The following PRKAR2A variants were observed in gnomAD, a reference collection of about 807,000 sequenced individuals.
PRKAR2A encodes the protein protein kinase cAMP-dependent type II regulatory subunit alpha, also known as cAMP-dependent protein kinase type II-alpha regulatory subunit.
A neutral mutation model predicts 51.9 loss-of-function variants in PRKAR2A; 29 were observed. The observed-to-expected ratio is 0.56, with a 90% CI of 0.42 to 0.76. The LOEUF (loss-of-function observed/expected upper bound fraction) is 0.76. Among genes scored for constraint, PRKAR2A ranks in the 30% least tolerant of loss-of-function variants. The pLI is 0.00. For missense variants in PRKAR2A, 445 were observed against 512.1 expected (o/e 0.87, Z 1.26); for synonymous variants, 178 against 186.2 (o/e 0.96, Z 0.36).
chr3:48,773,669 G>A (rs2082063403), intron 5 of PRKAR2A, among the ~76,000 whole-genome samples: 1 of 151,532 alleles, frequency 6.6e-6, no homozygotes, highest in Admixed American at 6.6e-5. Flanking sequence ...CATGTCACCT[G>A]AAACAAAGTT....
rs779477684 is a variant in PRKAR2A, at chr3:48,756,376, C to T, written c.939+3G>A. Reference sequence around the variant, plus strand: ...ACCATCACATATAAACTGATAAACTCACCCTGCTTCTAATCAAGATGCTCA... The same window carrying T: ...ACCATCACATATAAACTGATAAACTTACCCTGCTTCTAATCAAGATGCTCA... On this transcript the variant is annotated splice_donor_region_variant and intron_variant, in intron 9 of 10. Coordinates refer to ENST00000265563, the MANE Select transcript of PRKAR2A (RefSeq NM_004157.4). 6.8e-6 allele frequency: 11 copies of T among 1,611,872 alleles called. No homozygotes were observed. In the Admixed American group the frequency reaches 1.0e-4, roughly 15 times the overall value.
At chr3:48,758,644 T>C (rs1211227236) in intron 8 of PRKAR2A, among the ~76,000 whole-genome samples, 1 of 150,426 alleles carries the variant, frequency 6.6e-6, no homozygotes, top group Non-Finnish European at 1.5e-5. Flanking sequence ...GACTAGGGTA[T>C]GTGTACAGGA....
At chr3:48,829,389 C>T (rs1348003785) in intron 1 of PRKAR2A, among the ~76,000 whole-genome samples, 4 of 150,872 alleles carry the variant, frequency 2.7e-5, no homozygotes, top group African/African-American at 4.9e-5. Context: ...CATGGTGGCA[C>T]GAACCTGTAG....
chr3:48,804,946 C>G (rs2082650405), intron 2 of PRKAR2A, among the ~76,000 whole-genome samples: 1 of 152,004 alleles, frequency 6.6e-6, no homozygotes, highest in African/African-American at 2.4e-5. Context: ...GAATCTCACT[C>G]TGTCACCCAG....
rs557411542 is a variant in PRKAR2A, at chr3:48,842,728, G to A, written c.262+4607C>T. Among the ~76,000 whole-genome samples, 25 of 152,048 alleles carry A rather than the reference G, an allele frequency of 1.6e-4. No individual in the cohort carries two copies. In the East Asian group the frequency reaches 2.5e-3, roughly 15 times the overall value. On this transcript the variant is annotated intron_variant, in intron 1 of 10. Coordinates refer to ENST00000265563, the MANE Select transcript of PRKAR2A (RefSeq NM_004157.4). ...TGCTGGATTACATTTATTGATTTGC[G>A]TATATTGAACCAGCCTTGCATCCCA...
intron 2 of PRKAR2A, among the ~76,000 whole-genome samples, chr3:48,801,228 C>T (rs1335988518): frequency 1.3e-5 from 2 of 152,188 alleles, no homozygotes; most frequent in African/African-American, 4.8e-5. Context: ...TTTTGGCTCA[C>T]TGCAACCTCT....
intron 6 of PRKAR2A, 137 bp from the exon 7 acceptor site, chr3:48,765,486 T>C: frequency 3.1e-6 from 2 of 650,896 alleles, no homozygotes; most frequent in South Asian, 4.2e-5. Flanking sequence ...ACTTCAATCT[T>C]GAGTCATCAC....
At chr3:48,766,069 C>CA (rs1422337894) in intron 6 of PRKAR2A, among the ~76,000 whole-genome samples, 1 of 151,710 alleles carries the variant, frequency 6.6e-6, no homozygotes, top group East Asian at 1.9e-4. Context: ...AAAAAATACA[C>CA]AAAAAAAGTT....
At chr3:48,822,857 C>T (rs1266883886) in intron 1 of PRKAR2A, among the ~76,000 whole-genome samples, 2 of 151,708 alleles carry the variant, frequency 1.3e-5, no homozygotes, top group African/African-American at 4.8e-5. Context: ...GGCTGAAAAC[C>T]ACTGCTATAG....
intron 1 of PRKAR2A, among the ~76,000 whole-genome samples, chr3:48,811,272 G>C (rs2082766059): frequency 6.6e-6 from 1 of 152,082 alleles, no homozygotes. Flanking sequence ...ATGATCACCA[G>C]CCTGGGCAAT....
At chr3:48,773,668 T>C (rs1340300348) in intron 5 of PRKAR2A, among the ~76,000 whole-genome samples, 1 of 151,904 alleles carries the variant, frequency 6.6e-6, no homozygotes, top group Admixed American at 6.6e-5. Flanking sequence ...TCATGTCACC[T>C]GAAACAAAGT....
At chr3:48,754,559 G>A (rs898046275) in intron 9 of PRKAR2A, among the ~76,000 whole-genome samples, 2 of 152,042 alleles carry the variant, frequency 1.3e-5, no homozygotes, top group African/African-American at 2.4e-5. Flanking sequence ...GATCACCTGA[G>A]GTCAGGAGTT....
At chr3:48,801,653 A>G (rs1049701493) in intron 2 of PRKAR2A, among the ~76,000 whole-genome samples, 5 of 152,098 alleles carry the variant, frequency 3.3e-5, no homozygotes, top group Non-Finnish European at 7.4e-5. Flanking sequence ...GCTGGAATGC[A>G]GTGGTGCGAT....
At chr3:48,754,191 T>C (rs2081715640) in intron 9 of PRKAR2A, among the ~76,000 whole-genome samples, 2 of 151,470 alleles carry the variant, frequency 1.3e-5, no homozygotes, top group African/African-American at 4.8e-5. Flanking sequence ...TGAGCCACCA[T>C]GCCAGGCCAA....
At chr3:48,745,527 G>GTTTTTT (rs34668049), downstream of PRKAR2A, among the ~76,000 whole-genome samples, 15 of 70,420 alleles carry the variant, frequency 2.1e-4, no homozygotes, top group Non-Finnish European at 2.7e-4. Flanking sequence ...TTTGGATAAG[G>GTTTTTT]TTTTTTTTTT....
At chr3:48,762,567 A>G (rs1348621623) in intron 8 of PRKAR2A, among the ~76,000 whole-genome samples, 1 of 152,048 alleles carries the variant, frequency 6.6e-6, no homozygotes. Context: ...CCTGGGAGGC[A>G]GAGGTTGCAG....
intron 5 of PRKAR2A, among the ~76,000 whole-genome samples, chr3:48,774,460 T>C (rs561353586): frequency 1.3e-5 from 2 of 152,032 alleles, no homozygotes; most frequent in African/African-American, 4.8e-5. Flanking sequence ...GCCCAGGAGT[T>C]TGAGACAATC....
chr3:48,753,115 A>G (rs2081686848), intron 9 of PRKAR2A, among the ~76,000 whole-genome samples: 2 of 150,516 alleles, frequency 1.3e-5, no homozygotes, highest in South Asian at 2.1e-4. Context: ...TTGTATTTTT[A>G]GCAGAGACAG....
At chr3:48,765,888 G>A (rs553420062) in intron 6 of PRKAR2A, among the ~76,000 whole-genome samples, 7 of 152,086 alleles carry the variant, frequency 4.6e-5, no homozygotes, top group Admixed American at 4.6e-4. Context: ...CCCTAAAAAA[G>A]TTTACAATCT....
Sources: gnomAD v4.1 joint callset for allele counts (sites outside exome capture counted in the v4.1 genomes callset) on GRCh38, gnomAD v4.1.1 for gene constraint, MANE v1.5 for transcripts, NCBI Gene and HGNC (gene_info 2026-07-23, HGNC 2026-07-21) for gene names.